The following SLC35D1 variants were observed in gnomAD, a reference collection of about 807,000 sequenced individuals.
SLC35D1 encodes the protein nucleotide sugar transporter SLC35D1.
In SLC35D1, 31 loss-of-function variants were observed where a neutral mutation model predicts 46.7. The observed-to-expected ratio is 0.66, with a 90% CI of 0.50 to 0.90. SLC35D1 has a LOEUF of 0.90. Among genes scored for constraint, SLC35D1 ranks in the 40% least tolerant of loss-of-function variants. SLC35D1 has a pLI of 0.00. For missense variants in SLC35D1, 397 were observed against 426.2 expected (o/e 0.93, Z 0.60); for synonymous variants, 195 against 164.6 (o/e 1.18, Z -1.41).
chr1:67,031,499 TA>T (rs1668016772), intron 8 of SLC35D1, among the ~76,000 whole-genome samples: 1 of 152,086 alleles, frequency 6.6e-6, no homozygotes. Flanking sequence ...ATCTAGCTAG[TA>T]AGTACCTGTT....
the SLC35D1 span, chr1:66,984,963 A>T: frequency 1.3e-6 from 2 of 1,496,480 alleles, no homozygotes; most frequent in Non-Finnish European, 1.8e-6. Flanking sequence ...TTCAGGGTTG[A>T]TGGGTTACCT....
At chr1:66,993,019 T>A in the SLC35D1 span, among the ~76,000 whole-genome samples, 15 of 152,344 alleles carry the variant, frequency 9.8e-5, no homozygotes, top group East Asian at 1.5e-3. Flanking sequence ...TGATCTGGAT[T>A]TTACCTATTT....
intron 9 of SLC35D1, 85 bp downstream of exon 9, chr1:67,021,449 TA>T: frequency 7.2e-7 from 1 of 1,390,070 alleles, no homozygotes; most frequent in Non-Finnish European, 1.0e-6. Context: ...TCAGGAGACC[TA>T]AAGATATTGA....
intron 8 of SLC35D1, among the ~76,000 whole-genome samples, chr1:67,038,985 G>A (rs936486824): frequency 6.6e-6 from 1 of 151,588 alleles, no homozygotes; most frequent in Non-Finnish European, 1.5e-5. Flanking sequence ...TTTTTTCATC[G>A]TTGGCCTCCA....
intron 8 of SLC35D1, among the ~76,000 whole-genome samples, chr1:67,033,874 T>C (rs2102320981): frequency 6.6e-6 from 1 of 152,322 alleles, no homozygotes; most frequent in East Asian, 1.9e-4. Flanking sequence ...AGGCAGGAGA[T>C]AGGGATCTAG....
chr1:67,047,034 C>T (rs549319825), intron 7 of SLC35D1, among the ~76,000 whole-genome samples: 2 of 152,246 alleles, frequency 1.3e-5, no homozygotes, highest in East Asian at 1.9e-4. Flanking sequence ...CTACCCCACA[C>T]GAAGTCAAAA....
chr1:67,007,057 C>A (rs1485717293), intron 11 of SLC35D1, among the ~76,000 whole-genome samples: 1 of 152,086 alleles, frequency 6.6e-6, no homozygotes, highest in Non-Finnish European at 1.5e-5. Flanking sequence ...CACGGATAAT[C>A]TTCTCTTCAT....
chr1:66,992,861 A>C, the SLC35D1 span, among the ~76,000 whole-genome samples: 1 of 152,384 alleles, frequency 6.6e-6, no homozygotes, highest in Admixed American at 6.5e-5. Flanking sequence ...AGATAAAACA[A>C]GTCTATTGCA....
chr1:67,033,133 T>C (rs909711476), intron 8 of SLC35D1, among the ~76,000 whole-genome samples: 6 of 152,224 alleles, frequency 3.9e-5, no homozygotes, highest in African/African-American at 1.4e-4. Context: ...ATTTTCTTTA[T>C]CCATTCATTC....
intron 8 of SLC35D1, among the ~76,000 whole-genome samples, chr1:67,038,455 T>C (rs1668168623): frequency 6.6e-6 from 1 of 152,160 alleles, no homozygotes; most frequent in Non-Finnish European, 1.5e-5. Flanking sequence ...CAGCAAGTGG[T>C]CTGTTCTTCC....
intron 10 of SLC35D1, among the ~76,000 whole-genome samples, chr1:67,012,545 C>A (rs201759577): frequency 4.4e-3 from 457 of 103,024 alleles, no homozygotes; most frequent in South Asian, 6.8e-3. Flanking sequence ...ACTCCTAAAT[C>A]AAAAAAAAAA....
chr1:67,037,152 T>C (rs1380922158), intron 8 of SLC35D1, among the ~76,000 whole-genome samples: 1 of 152,172 alleles, frequency 6.6e-6, no homozygotes, highest in Non-Finnish European at 1.5e-5. Flanking sequence ...TGTCAATGTG[T>C]TGAAAAGTTG....
intron 3 of SLC35D1, 145 bp from the exon 4 acceptor site, chr1:67,052,224 C>G: frequency 1.5e-6 from 1 of 656,842 alleles, no homozygotes; most frequent in Non-Finnish European, 2.8e-6. Flanking sequence ...ATTTTGACAC[C>G]CAAACACCCA....
At chr1:67,004,902 C>T (rs1667416177) in intron 11 of SLC35D1, among the ~76,000 whole-genome samples, 1 of 152,046 alleles carries the variant, frequency 6.6e-6, no homozygotes, top group South Asian at 2.1e-4. Flanking sequence ...TATGCAGACC[C>T]TAGGAGATTC....
chr1:67,032,107 G>A (rs931942831), intron 8 of SLC35D1: 1 of 984,982 alleles, frequency 1.0e-6, no homozygotes, highest in Non-Finnish European at 1.2e-6. Flanking sequence ...ACTGGTAGCT[G>A]TGATTACAGA....
At chr1:66,981,977 A>C in the SLC35D1 span, 1 of 1,573,194 alleles carries the variant, frequency 6.4e-7, no homozygotes. Context: ...TCTTGCAGTG[A>C]CTTGGGAAAT....
intron 7 of SLC35D1, among the ~76,000 whole-genome samples, chr1:67,044,059 G>T (rs905719298): frequency 1.3e-5 from 2 of 152,158 alleles, no homozygotes; most frequent in African/African-American, 2.4e-5. Context: ...GATTAGGCTG[G>T]GTGCAGTGGC....
At chr1:66,982,067 A>G in the SLC35D1 span, 3 of 698,714 alleles carry the variant, frequency 4.3e-6, no homozygotes, top group East Asian at 8.2e-5. Flanking sequence ...ATCAGCATAC[A>G]TATATACTAA....
chr1:67,008,062 A>G (rs764595282), intron 11 of SLC35D1, among the ~76,000 whole-genome samples: 1 of 152,222 alleles, frequency 6.6e-6, no homozygotes, highest in African/African-American at 2.4e-5. Context: ...TACAGTCATT[A>G]TGCAAGCCTA....
Sources: allele counts gnomAD v4.1 joint callset (sites outside exome capture counted in the v4.1 genomes callset), GRCh38; gene constraint gnomAD v4.1.1; transcripts MANE v1.5; gene names NCBI Gene and HGNC (gene_info 2026-07-23, HGNC 2026-07-21).